The following TMEM248 variants were observed in gnomAD, a reference collection of about 807,000 sequenced individuals.
The protein encoded by TMEM248 is transmembrane protein 248.
A neutral mutation model predicts 30.3 loss-of-function variants in TMEM248; 9 were observed. The ratio of observed to expected loss-of-function variants is 0.30; its 90% CI spans 0.18 to 0.52. The LOEUF (loss-of-function observed/expected upper bound fraction) is 0.52. TMEM248 is among the 20% of genes least tolerant of loss of function. The pLI is 0.97. For missense variants in TMEM248, 338 were observed against 403.3 expected (o/e 0.84, Z 1.39); for synonymous variants, 184 against 154.4 (o/e 1.19, Z -1.42).
At chr7:66,929,285 G>A (rs1425692154) in intron 1 of TMEM248, among the ~76,000 whole-genome samples, 1 of 152,038 alleles carries the variant, frequency 6.6e-6, no homozygotes, top group African/African-American at 2.4e-5. Context: ...ATACACAATA[G>A]GTGCAAAACT....
intron 1 of TMEM248, among the ~76,000 whole-genome samples, chr7:66,935,954 G>T (rs990292137): frequency 6.6e-6 from 1 of 152,200 alleles, no homozygotes; most frequent in African/African-American, 2.4e-5. Context: ...ATCAGTTCTA[G>T]TTTTTTGATG....
chr7:66,929,522 C>T (rs151196807), intron 1 of TMEM248, among the ~76,000 whole-genome samples: 163 of 149,236 alleles, frequency 1.1e-3, no homozygotes, highest in African/African-American at 3.6e-3. Context: ...CTGCAACCTC[C>T]GCCTCCCGGG....
chr7:66,941,257 T>G (rs1411658312), intron 1 of TMEM248, among the ~76,000 whole-genome samples: 1 of 151,968 alleles, frequency 6.6e-6, no homozygotes, highest in African/African-American at 2.4e-5. Flanking sequence ...GGCACATGCC[T>G]GTAGTCTCAG....
intron 2 of TMEM248, among the ~76,000 whole-genome samples, chr7:66,944,064 G>A (rs1252571191): frequency 6.6e-6 from 1 of 150,788 alleles, no homozygotes; most frequent in Non-Finnish European, 1.5e-5. Flanking sequence ...CAAAGTGCTG[G>A]GATTACAGGC....
intron 1 of TMEM248, among the ~76,000 whole-genome samples, chr7:66,929,410 T>A (rs2129220996): frequency 6.7e-6 from 1 of 148,400 alleles, no homozygotes; most frequent in East Asian, 2.0e-4. Context: ...AACAATATCA[T>A]GGAAATGAGA....
Position 66,951,148 on chromosome 7 carries a change from AATTG to A in TMEM248, c.780+14_780+17del. On this transcript the variant is annotated intron_variant, in intron 5 of 6. Coordinates refer to ENST00000341567, the MANE Select transcript of TMEM248 (RefSeq NM_017994.5). ...GATTGTTCCAGATGTAAGTGAGAAAAATTGTGTGTGTGTGTGTGCGTGCATGCAT... is the reference window on the plus strand; with the variant it reads ...GATTGTTCCAGATGTAAGTGAGAAAATGTGTGTGTGTGTGCGTGCATGCAT... 6.4e-7 allele frequency: 1 copy of A among 1,565,200 alleles called. No individual in the cohort carries two copies. Among genetic ancestry groups the A allele is most frequent in the African/African-American group, 1.4e-5 (1 of 73,690 alleles).
intron 1 of TMEM248, among the ~76,000 whole-genome samples, chr7:66,940,754 T>C (rs1483331527): frequency 2.0e-5 from 3 of 152,204 alleles, no homozygotes; most frequent in Admixed American, 2.0e-4. Context: ...TTAGGAGCTT[T>C]TAAGCAGGGC....
intron 2 of TMEM248, among the ~76,000 whole-genome samples, chr7:66,943,028 G>A (rs1388170404): frequency 6.7e-6 from 1 of 150,014 alleles, no homozygotes; most frequent in Non-Finnish European, 1.5e-5. Context: ...AAAAGGAACC[G>A]CCTACACATG....
In TMEM248 at chr7:66,921,316, C is replaced by G. The variant is rs1327290710; in HGVS notation, c.-164C>G. 1 of 150,982 alleles carries G rather than the reference C, an allele frequency of 6.6e-6. No homozygotes were observed. Among genetic ancestry groups the G allele is most frequent in the Non-Finnish European group, 1.5e-5 (1 of 67,632 alleles). The allele number at this position is 150,982 out of a possible 1,614,324, so 9.4% of individuals were successfully genotyped here. On this transcript the variant is annotated 5_prime_UTR_variant, in exon 1 of 7. Coordinates refer to ENST00000341567, the MANE Select transcript of TMEM248 (RefSeq NM_017994.5). ...TTCGCGTCGGCCCCGCGGAGCCAGA[C>G]GCTGCCCCCGGCGCGGGGAGAAGAT... is the stretch of plus-strand genomic sequence containing the variant.
At chr7:66,954,187 A>G (rs1221510632) in intron 6 of TMEM248, among the ~76,000 whole-genome samples, 2 of 151,272 alleles carry the variant, frequency 1.3e-5, no homozygotes, top group Non-Finnish European at 2.9e-5. Context: ...CAAGTGATCC[A>G]CCTGCCTTGG....
chr7:66,925,214 TCTCA>T (rs1204558116), intron 1 of TMEM248, among the ~76,000 whole-genome samples: 4 of 151,948 alleles, frequency 2.6e-5, no homozygotes, highest in African/African-American at 9.7e-5. Flanking sequence ...AGAGGCAAGG[TCTCA>T]CTCTGTTGCT....
rs1562947374 is a variant in TMEM248, at chr7:66,956,605, GC to G, written c.*1084del. 5 of 152,306 alleles carry G rather than the reference GC, an allele frequency of 3.3e-5. No homozygotes were observed. The highest frequency in any genetic ancestry group is 1.2e-4 in the African/African-American group (5 of 41,572). The allele number at this position is 152,306 out of a possible 1,614,324, so 9.4% of individuals were successfully genotyped here. On this transcript the variant is annotated 3_prime_UTR_variant, in exon 7 of 7. Coordinates refer to ENST00000341567, the MANE Select transcript of TMEM248 (RefSeq NM_017994.5). ...CAGTAAAATTACGAAAACGATGCCT[GC>G]AAAATTTGAAGGAATGCAATTCTGA... is the stretch of plus-strand genomic sequence containing the variant.
At chr7:66,945,398 C>T in intron 3 of TMEM248, 137 bp downstream of exon 3, 2 of 907,352 alleles carry the variant, frequency 2.2e-6, no homozygotes, top group East Asian at 2.5e-5. Context: ...TGAGTTTGAA[C>T]TACATGAACC....
At chr7:66,938,255 C>T (rs1322614796) in intron 1 of TMEM248, among the ~76,000 whole-genome samples, 1 of 151,834 alleles carries the variant, frequency 6.6e-6, no homozygotes, top group African/African-American at 2.4e-5. Flanking sequence ...TCCTTCCTTC[C>T]TGTCTTCATT....
At chr7:66,945,344 CTA>C in intron 3 of TMEM248, 83 bp downstream of exon 3, 1 of 1,418,208 alleles carries the variant, frequency 7.1e-7, no homozygotes, top group Admixed American at 1.9e-5. Context: ...TTTTTACTGA[CTA>C]TATTGTACTA....
At chr7:66,949,214 C>T (rs998075941) in intron 4 of TMEM248, among the ~76,000 whole-genome samples, 2 of 151,652 alleles carry the variant, frequency 1.3e-5, no homozygotes, top group East Asian at 1.9e-4. Context: ...CAGCCAGGTG[C>T]GGTGTCTCAT....
chr7:66,950,883 G>T, intron 4 of TMEM248, 69 bp from the exon 5 acceptor site: 1 of 1,332,268 alleles, frequency 7.5e-7, no homozygotes, highest in Non-Finnish European at 1.0e-6. Flanking sequence ...ACCAGCTGCT[G>T]TGGGGGTGAC....
intron 4 of TMEM248, among the ~76,000 whole-genome samples, chr7:66,949,676 G>A (rs1011230162): frequency 6.6e-5 from 10 of 151,848 alleles, no homozygotes; most frequent in Non-Finnish European, 1.3e-4. Flanking sequence ...TTTTACCTGC[G>A]AATTTGAAAA....
chr7:66,934,915 C>G (rs567592590), intron 1 of TMEM248, among the ~76,000 whole-genome samples: 3 of 151,876 alleles, frequency 2.0e-5, no homozygotes, highest in Admixed American at 6.6e-5. Context: ...ATTAGCCAGG[C>G]ATGTTGGCAT....
Sources: allele counts gnomAD v4.1 joint callset (sites outside exome capture counted in the v4.1 genomes callset), GRCh38; gene constraint gnomAD v4.1.1; transcripts MANE v1.5; gene names NCBI Gene and HGNC (gene_info 2026-07-23, HGNC 2026-07-21).